Variants in COL22A1 observed in about 807,000 individuals in gnomAD.
The protein encoded by COL22A1 is collagen alpha-1(XXII) chain.
Under a neutral mutation model 248.9 loss-of-function variants are expected in COL22A1, and 221 were observed. The observed-to-expected ratio is 0.89, with a 90% CI of 0.80 to 0.99. The LOEUF is 0.99. Ranked by LOEUF, COL22A1 falls within the 50% of genes least tolerant of loss-of-function variation. The probability of loss-of-function intolerance (pLI) is 0.00; values close to 1 mark genes in which losing one functional copy is unlikely to be tolerated. For synonymous variants in COL22A1, 891 were observed against 793.4 expected (o/e 1.12, Z -2.07); for missense variants, 2,240 against 2,179.0 (o/e 1.03, Z -0.56).
rs142040389 is a variant in COL22A1, at chr8:138,857,448, C to T, written c.659-13290G>A. ...TCACGGCTGACCTGGCCCCCGAGGCCGATCCATGCCCAGGCACCTATGGTC... is the reference window on the plus strand; with the variant it reads ...TCACGGCTGACCTGGCCCCCGAGGCTGATCCATGCCCAGGCACCTATGGTC... On this transcript the variant is annotated intron_variant, in intron 3 of 64. Transcript: ENST00000303045. Among the ~76,000 whole-genome samples the T allele has an allele frequency of 5.1e-3, 781 of 152,322 alleles. 8 individuals carry two copies. The highest frequency in any genetic ancestry group is 0.018 in the African/African-American group (745 of 41,576).
At chr8:138,615,764 AC>A (rs1819266132) in intron 55 of COL22A1, among the ~76,000 whole-genome samples, 1 of 152,088 alleles carries the variant, frequency 6.6e-6, no homozygotes, top group Non-Finnish European at 1.5e-5. Flanking sequence ...TATCATTTGT[AC>A]CAATGGACAA....
chr8:138,618,568 A>G (rs1202560485), intron 53 of COL22A1, among the ~76,000 whole-genome samples: 2 of 152,300 alleles, frequency 1.3e-5, no homozygotes, highest in East Asian at 3.9e-4. Flanking sequence ...TGGTGCAATC[A>G]TGTGAAAAAC....
chr8:138,625,555 T>C (rs184045324), intron 51 of COL22A1, among the ~76,000 whole-genome samples: 2 of 152,292 alleles, frequency 1.3e-5, no homozygotes, highest in East Asian at 3.9e-4. Context: ...CAGGACAACA[T>C]CTTTGGAAAG....
chr8:138,609,965 C>A (rs577321121), intron 56 of COL22A1, among the ~76,000 whole-genome samples: 2 of 152,202 alleles, frequency 1.3e-5, no homozygotes, highest in African/African-American at 4.8e-5. Context: ...CCTTTTCAAC[C>A]CTTTTGAGCT....
chr8:138,823,618 C>A (rs936463067), intron 6 of COL22A1, among the ~76,000 whole-genome samples: 1 of 152,198 alleles, frequency 6.6e-6, no homozygotes, highest in Non-Finnish European at 1.5e-5. Context: ...GTTGGCCAGG[C>A]TGGTCTTGAA....
chr8:138,687,628 G>T lies in COL22A1; in HGVS notation c.2862+1289C>A, dbSNP rs116923126. ...AGGGAGGGCAGGACACAACCACATG[G>T]TACCCTTGTCACCTGTTATCTGCTG... On this transcript the variant is annotated intron_variant, in intron 37 of 64. Transcript: ENST00000303045. 9.9e-3 allele frequency among the ~76,000 whole-genome samples: 1,501 copies of T among 152,260 alleles called. 54 individuals are homozygous for T. Among genetic ancestry groups the T allele is most frequent in the Admixed American group, 0.077 (1,171 of 15,290 alleles).
At chr8:138,764,469 G>T (rs1340303086) in intron 16 of COL22A1, among the ~76,000 whole-genome samples, 1 of 152,200 alleles carries the variant, frequency 6.6e-6, no homozygotes, top group African/African-American at 2.4e-5. Flanking sequence ...CCTGCCTCAG[G>T]GTCCCCCCAT....
chr8:138,821,460 A>G (rs1819125500), intron 6 of COL22A1, 49 bp from the exon 7 acceptor site: 1 of 1,568,392 alleles, frequency 6.4e-7, no homozygotes, highest in Middle Eastern at 1.7e-4. Flanking sequence ...GGGCCAAGGG[A>G]AAAGGAGAGA....
intron 30 of COL22A1, among the ~76,000 whole-genome samples, chr8:138,707,536 C>G (rs1828574996): frequency 6.6e-6 from 1 of 152,096 alleles, no homozygotes; most frequent in South Asian, 2.1e-4. Flanking sequence ...AGACAAAAAC[C>G]ACATGATTAT....
intron 61 of COL22A1, among the ~76,000 whole-genome samples, chr8:138,598,496 G>A (rs1337969813): frequency 1.3e-5 from 2 of 152,230 alleles, no homozygotes; most frequent in South Asian, 4.1e-4. Flanking sequence ...AGCTAGACAC[G>A]TTATTTCACT....
intron 8 of COL22A1, 78 bp from the exon 9 acceptor site, chr8:138,811,999 G>C (rs1350016846): frequency 1.4e-6 from 2 of 1,448,056 alleles, no homozygotes; most frequent in East Asian, 5.1e-5. Flanking sequence ...AGTGTCGGGT[G>C]CTTCCTCAGA....
At position 138,655,027 on chromosome 8, in the gene COL22A1, G is replaced by A. The variant is rs142221106; in HGVS notation, c.3333+870C>T. Among the ~76,000 whole-genome samples the A allele has an allele frequency of 2.7e-3, 406 of 152,288 alleles. 2 individuals are homozygous for A. The highest frequency in any genetic ancestry group is 9.0e-3 in the African/African-American group (376 of 41,556). ...CGCTGGCCCTCCTTTGAGAACATGA[G>A]TTAGTCCTGTCTGGGTTAAAGGCCA... On this transcript the variant is annotated intron_variant, in intron 45 of 64. Transcript: ENST00000303045.
At chr8:138,700,180 A>C in intron 31 of COL22A1, 36 bp from the exon 32 acceptor site, 1 of 1,607,200 alleles carries the variant, frequency 6.2e-7, no homozygotes. Flanking sequence ...AAAGATGGGC[A>C]TCAAGGAACC....
chr8:138,814,106 C>A (rs1818478771), intron 7 of COL22A1, among the ~76,000 whole-genome samples: 1 of 152,244 alleles, frequency 6.6e-6, no homozygotes, highest in South Asian at 2.1e-4. Flanking sequence ...GACACCCCAC[C>A]TGCCAGGGCC....
chr8:138,863,842 G>A lies in COL22A1; in HGVS notation c.658+13908C>T, dbSNP rs138645556. On this transcript the variant is annotated intron_variant, in intron 3 of 64. Transcript: ENST00000303045. ...CACTGAATCTTTGCAATGTGTCTAT[G>A]CAGGAGATTTTTGCTTGCTGTTTTC... Among the ~76,000 whole-genome samples the A allele has an allele frequency of 2.9e-3, 435 of 152,268 alleles. 1 individual carries two copies. The highest frequency in any genetic ancestry group is 1.0e-2 in the African/African-American group (415 of 41,550).
At chr8:138,818,009 A>G (rs554494879) in intron 7 of COL22A1, among the ~76,000 whole-genome samples, 1 of 152,336 alleles carries the variant, frequency 6.6e-6, no homozygotes, top group Non-Finnish European at 1.5e-5. Context: ...GAGACTTTTA[A>G]CTCAAATATA....
Position 138,720,791 on chromosome 8 carries a change from C to T in COL22A1, c.2303G>A (p.Gly768Glu). The T allele has an allele frequency of 6.2e-7, 1 of 1,613,154 alleles. No individual in the cohort carries two copies. Among genetic ancestry groups the T allele is most frequent in the Non-Finnish European group, 8.5e-7 (1 of 1,179,130 alleles). The change falls in exon 27 of 65, where the codon GGA (glycine) becomes GAA (glutamate). Residue 768 changes from glycine to glutamate, a missense_variant and splice_region_variant. Physicochemically the swap from Gly to Glu is moderately conservative, Grantham distance 98. Transcript: ENST00000303045. ...ATCTTCCCCTCTTTCTCCTGGTTCT[C>T]CCTGGAAGGAATACAGAGCAAAGTT... ...NGPPGPPGTK[G>E]EPGERGEDGL...
chr8:138,696,557 C>T lies in COL22A1; in HGVS notation c.2593-1678G>A, dbSNP rs553220829. Among the ~76,000 whole-genome samples, 6 of 152,294 alleles carry T rather than the reference C, an allele frequency of 3.9e-5. No homozygotes were observed. In the South Asian group the frequency reaches 6.2e-4, roughly 16 times the overall value. On this transcript the variant is annotated intron_variant, in intron 32 of 64. Transcript: ENST00000303045. ...TCTATGTCTCTGCAAATGTTAGAGG[C>T]CTTGCAGCCATGGTTTCTACCTGCC...
chr8:138,804,437 G>A (rs1042619964), intron 10 of COL22A1, among the ~76,000 whole-genome samples: 2 of 152,190 alleles, frequency 1.3e-5, no homozygotes, highest in African/African-American at 4.8e-5. Context: ...GGCCTGCTCT[G>A]CTCAAGCACA....
Sources: allele counts gnomAD v4.1 joint callset (sites outside exome capture counted in the v4.1 genomes callset), GRCh38; gene constraint gnomAD v4.1.1; transcripts MANE v1.5; gene names NCBI Gene and HGNC (gene_info 2026-07-23, HGNC 2026-07-21).